Variants in ZC3H12B observed in about 807,000 individuals in gnomAD.
The protein encoded by ZC3H12B is probable ribonuclease ZC3H12B.
In ZC3H12B, 7 loss-of-function variants were observed where a neutral mutation model predicts 43.9. That is an observed-to-expected ratio of 0.16 (90% CI 0.09 to 0.30). The LOEUF (loss-of-function observed/expected upper bound fraction) is 0.30. Among genes scored for constraint, ZC3H12B ranks in the 10% least tolerant of loss-of-function variants. The pLI is 1.00. For synonymous variants in ZC3H12B, 222 were observed against 241.7 expected (o/e 0.92, Z 0.76); for missense variants, 475 against 670.2 (o/e 0.71, Z 3.22).
At chrX:65,424,291 T>C (rs2067054481) in intron 3 of ZC3H12B, among the ~76,000 whole-genome samples, 1 of 112,367 alleles carries the variant, frequency 8.9e-6, no homozygotes, top group African/African-American at 3.2e-5. Flanking sequence ...GCTCATGTGC[T>C]TTGCCTATTT....
chrX:65,224,318 A>G, the ZC3H12B span, among the ~76,000 whole-genome samples: 19 of 112,778 alleles, frequency 1.7e-4, no homozygotes, highest in South Asian at 6.2e-3. Context: ...GATAGGGATA[A>G]AAAACTATGA....
the ZC3H12B span, among the ~76,000 whole-genome samples, chrX:65,348,995 G>T: frequency 2.8e-3 from 312 of 111,518 alleles, 3 homozygotes; most frequent in African/African-American, 9.7e-3. Context: ...TTCAGGACTT[G>T]AACTCAGCTC....
intron 1 of ZC3H12B, among the ~76,000 whole-genome samples, 184 bp from the exon 7 acceptor site, chrX:65,496,948 C>CAAAAAAAAAAAAAAAAAAAAA (rs373400545): frequency 2.4e-5 from 1 of 40,886 alleles, no homozygotes; most frequent in African/African-American, 5.9e-5. Flanking sequence ...AAAGTGAGAC[C>CAAAAAAAAAAAAAAAAAAAAA]AAAAAAAAAA....
chrX:65,316,439 G>T, the ZC3H12B span, among the ~76,000 whole-genome samples: 6 of 111,946 alleles, frequency 5.4e-5, no homozygotes, highest in Non-Finnish European at 1.1e-4. Flanking sequence ...ACAGCATTAG[G>T]CTAACAGTGG....
chrX:65,487,339 G>A (rs1428262182), upstream of ZC3H12B, among the ~76,000 whole-genome samples: 5 of 112,164 alleles, frequency 4.5e-5, no homozygotes, highest in Non-Finnish European at 9.4e-5. Context: ...TAAGGAGTTC[G>A]AGACCAGCCT....
the ZC3H12B span, among the ~76,000 whole-genome samples, chrX:65,285,068 T>C: frequency 1.8e-5 from 2 of 110,497 alleles, no homozygotes; most frequent in African/African-American, 6.6e-5. Context: ...ACCTATTTAA[T>C]AAAATAATAG....
At chrX:65,089,997 A>G in the ZC3H12B span, among the ~76,000 whole-genome samples, 10 of 112,222 alleles carry the variant, frequency 8.9e-5, no homozygotes, top group African/African-American at 2.9e-4. Context: ...TTTACAGTTA[A>G]CTTTTAAAAA....
intron 3 of ZC3H12B, chrX:65,408,210 T>C: frequency 8.4e-7 from 1 of 1,196,047 alleles, no homozygotes; most frequent in Non-Finnish European, 1.1e-6. Flanking sequence ...TATCACAGCC[T>C]TAAATTGGAA....
At chrX:65,501,832 G>A (rs762523821) in exon 5 of ZC3H12B, 22 of 1,194,933 alleles carry the variant, frequency 1.8e-5, no homozygotes, top group Non-Finnish European at 2.4e-5. Flanking sequence ...ACTACCATCC[G>A]GAGCGGGCCA....
chrX:65,376,473 A>G (rs866380615), intron 2 of ZC3H12B, among the ~76,000 whole-genome samples: 2 of 111,245 alleles, frequency 1.8e-5, no homozygotes, highest in African/African-American at 3.3e-5. Flanking sequence ...GGTGAAACCG[A>G]GTGTTTTGCT....
the ZC3H12B span, among the ~76,000 whole-genome samples, chrX:65,225,152 C>T: frequency 2.7e-5 from 3 of 111,473 alleles, no homozygotes; most frequent in Non-Finnish European, 1.9e-5. Flanking sequence ...ACAACTCACA[C>T]GACCAGGTAC....
intron 2 of ZC3H12B, among the ~76,000 whole-genome samples, chrX:65,384,551 TG>T (rs1041941094): frequency 1.8e-5 from 2 of 111,370 alleles, no homozygotes; most frequent in Non-Finnish European, 3.8e-5. Context: ...AAAAAAAAGT[TG>T]GTATTCCTTA....
the ZC3H12B span, among the ~76,000 whole-genome samples, chrX:65,116,809 G>C: frequency 5.4e-5 from 6 of 110,747 alleles, no homozygotes. Flanking sequence ...GGAACATGCA[G>C]TGTTTGGTTT....
At chrX:65,324,475 G>A in the ZC3H12B span, among the ~76,000 whole-genome samples, 1 of 111,178 alleles carries the variant, frequency 9.0e-6, no homozygotes, top group Non-Finnish European at 1.9e-5. Flanking sequence ...TGTTGTTGCT[G>A]CATTCCATAA....
At chrX:65,087,140 C>T in the ZC3H12B span, among the ~76,000 whole-genome samples, 488 of 110,657 alleles carry the variant, frequency 4.4e-3, 1 homozygote, top group African/African-American at 0.016. Flanking sequence ...ACAATAGGTG[C>T]GTTTCCCTCA....
chrX:65,495,557 T>G (rs2068266775), intron 1 of ZC3H12B, among the ~76,000 whole-genome samples: 1 of 112,227 alleles, frequency 8.9e-6, no homozygotes, highest in Non-Finnish European at 1.9e-5. Flanking sequence ...AATAGCCACT[T>G]GATTGTAGTA....
the ZC3H12B span, among the ~76,000 whole-genome samples, chrX:65,255,817 G>A: frequency 8.9e-6 from 1 of 111,992 alleles, no homozygotes; most frequent in East Asian, 2.8e-4. Flanking sequence ...AGCACACACA[G>A]GTTGAAAGTA....
the ZC3H12B span, among the ~76,000 whole-genome samples, chrX:65,092,179 C>T: frequency 1.8e-5 from 2 of 111,968 alleles, no homozygotes; most frequent in Admixed American, 9.5e-5. Flanking sequence ...GAGAAGCGAG[C>T]AGATGCCAGC....
the ZC3H12B span, among the ~76,000 whole-genome samples, chrX:65,142,959 C>T: frequency 9.0e-6 from 1 of 111,318 alleles, no homozygotes; most frequent in Non-Finnish European, 1.9e-5. Flanking sequence ...TTCTTTTTTA[C>T]TTAGTCTTGC....
Sources: allele counts gnomAD v4.1 joint callset (sites outside exome capture counted in the v4.1 genomes callset), GRCh38; gene constraint gnomAD v4.1.1; transcripts MANE v1.5; gene names NCBI Gene and HGNC (gene_info 2026-07-23, HGNC 2026-07-21).